The following PAK1 variants were observed in gnomAD, a reference collection of about 807,000 sequenced individuals.
The protein encoded by PAK1 is p21 (RAC1) activated kinase 1.
PAK1 carries 29 observed loss-of-function variants against 67.4 expected under a neutral mutation model. The observed-to-expected ratio is 0.43, with a 90% CI of 0.32 to 0.59. The LOEUF is 0.59. Among genes scored for constraint, PAK1 ranks in the 20% least tolerant of loss-of-function variants. The pLI, the probability that PAK1 is intolerant of heterozygous loss-of-function variation, is 0.07. For synonymous variants in PAK1, 223 were observed against 237.4 expected (o/e 0.94, Z 0.56); for missense variants, 337 against 670.7 (o/e 0.50, Z 5.50).
chr11:77,337,229 G>GT, intron 12 of PAK1, 95 bp downstream of exon 12: 1 of 562,452 alleles, frequency 1.8e-6, no homozygotes, highest in African/African-American at 1.9e-5. Context: ...AGACCCTTTG[G>GT]TGAGTGTCGT....
chr11:77,393,154 G>A (rs772604518), intron 1 of PAK1, among the ~76,000 whole-genome samples: 3 of 151,636 alleles, frequency 2.0e-5, no homozygotes, highest in African/African-American at 7.3e-5. Flanking sequence ...TTGCAACAGA[G>A]ATTGTATGTC....
At chr11:77,523,130 TA>T in the PAK1 span, among the ~76,000 whole-genome samples, 1 of 152,214 alleles carries the variant, frequency 6.6e-6, no homozygotes, top group South Asian at 2.1e-4. Flanking sequence ...CTATGCTCAC[TA>T]CCTGGGTGAT....
intron 1 of PAK1, among the ~76,000 whole-genome samples, chr11:77,462,662 T>A (rs1219348588): frequency 6.6e-6 from 1 of 151,436 alleles, no homozygotes; most frequent in Non-Finnish European, 1.5e-5. Flanking sequence ...TGAAACCCTA[T>A]CTCTACTAAA....
At chr11:77,492,360 A>AC in the PAK1 span, among the ~76,000 whole-genome samples, 9,230 of 150,132 alleles carry the variant, frequency 0.061, 951 homozygotes, top group African/African-American at 0.21. Flanking sequence ...AACAACAACA[A>AC]AAAAAAAAAC....
chr11:77,406,838 C>T (rs560668525), intron 1 of PAK1, among the ~76,000 whole-genome samples: 5 of 152,150 alleles, frequency 3.3e-5, no homozygotes, highest in African/African-American at 1.2e-4. Flanking sequence ...AGACCCTGTC[C>T]CTGCCCTCAA....
the PAK1 span, among the ~76,000 whole-genome samples, chr11:77,504,236 G>T: frequency 1.3e-5 from 2 of 151,006 alleles, no homozygotes; most frequent in Admixed American, 6.6e-5. Context: ...TTATTAGTTT[G>T]TTAATATAAA....
At chr11:77,406,331 C>G (rs1037974171) in intron 1 of PAK1, among the ~76,000 whole-genome samples, 7 of 152,238 alleles carry the variant, frequency 4.6e-5, no homozygotes, top group African/African-American at 1.7e-4. Context: ...TCTTGGTTTT[C>G]ACAGCATCAT....
At chr11:77,347,129 A>T (rs1944551761) in intron 9 of PAK1, 1 of 454,504 alleles carries the variant, frequency 2.2e-6, no homozygotes, top group Non-Finnish European at 4.4e-6. Flanking sequence ...AGCCACCCTG[A>T]TGGACTCCCT....
intron 11 of PAK1, among the ~76,000 whole-genome samples, chr11:77,338,772 A>G (rs1943128309): frequency 6.6e-6 from 1 of 152,200 alleles, no homozygotes; most frequent in South Asian, 2.1e-4. Context: ...ATGCTACAAA[A>G]TGGATGAATC....
At chr11:77,460,621 T>C (rs1957302666) in intron 1 of PAK1, among the ~76,000 whole-genome samples, 1 of 152,004 alleles carries the variant, frequency 6.6e-6, no homozygotes, top group African/African-American at 2.4e-5. Flanking sequence ...ATGCTTAGGG[T>C]AACTCAGTAG....
intron 14 of PAK1, among the ~76,000 whole-genome samples, chr11:77,331,819 AAAAAG>A (rs1941604748): frequency 2.0e-5 from 3 of 151,684 alleles, no homozygotes; most frequent in African/African-American, 4.9e-5. Flanking sequence ...AGAATTAAAA[AAAAAG>A]AAAGAAAAAT....
chr11:77,505,528 A>C, the PAK1 span, among the ~76,000 whole-genome samples: 93 of 152,144 alleles, frequency 6.1e-4, 1 homozygote, highest in Non-Finnish European at 9.7e-4. Context: ...CATCTTCCCA[A>C]ACTGAAACTC....
Position 77,346,073 on chromosome 11 carries a change from A to G in PAK1, c.886-2142T>C, listed in dbSNP as rs553850897. 7.2e-5 allele frequency among the ~76,000 whole-genome samples: 11 copies of G among 152,318 alleles called. No homozygotes were observed. The South Asian group carries it at 2.3e-3, about 32-fold the overall frequency. On this transcript the variant is annotated intron_variant, in intron 9 of 14. Transcript: ENST00000356341. The stretch of plus-strand genomic sequence containing the variant: ...ACTGCAACCTCTGCCCCCAGGGTTC[A>G]AGTGATTCTCCTGCCTCAGCCTCCC...
intron 1 of PAK1, among the ~76,000 whole-genome samples, chr11:77,432,842 AAAC>A (rs1392695320): frequency 6.6e-6 from 1 of 152,224 alleles, no homozygotes; most frequent in South Asian, 2.1e-4. Context: ...TTAAAAAAAA[AAAC>A]ATTTAGAATA....
At chr11:77,426,207 A>G (rs1207869863) in intron 1 of PAK1, among the ~76,000 whole-genome samples, 1 of 151,694 alleles carries the variant, frequency 6.6e-6, no homozygotes, top group African/African-American at 2.4e-5. Context: ...TCTGAGTATC[A>G]ATTTCCTTAT....
At chr11:77,486,570 C>A in the PAK1 span, among the ~76,000 whole-genome samples, 1 of 152,298 alleles carries the variant, frequency 6.6e-6, no homozygotes. Flanking sequence ...GCAGACACCA[C>A]CCCTCTTCCA....
the PAK1 span, among the ~76,000 whole-genome samples, chr11:77,527,746 T>C: frequency 6.6e-6 from 1 of 152,240 alleles, no homozygotes. Flanking sequence ...GAAAATTTTA[T>C]ACACAAAAAG....
intron 4 of PAK1, among the ~76,000 whole-genome samples, chr11:77,375,150 A>G (rs1565632584): frequency 6.6e-6 from 1 of 152,206 alleles, no homozygotes; most frequent in Non-Finnish European, 1.5e-5. Flanking sequence ...TGCCCAGGGT[A>G]CACACAGGTT....
chr11:77,410,626 G>C (rs1251165868), intron 1 of PAK1, among the ~76,000 whole-genome samples: 1 of 151,704 alleles, frequency 6.6e-6, no homozygotes, highest in African/African-American at 2.4e-5. Context: ...GGCTACACAG[G>C]GGGAGAAATA....
Sources: gnomAD v4.1 joint callset for allele counts (sites outside exome capture counted in the v4.1 genomes callset) on GRCh38, gnomAD v4.1.1 for gene constraint, MANE v1.5 for transcripts, NCBI Gene and HGNC (gene_info 2026-07-23, HGNC 2026-07-21) for gene names.